DLC1: variants seen among roughly 807,000 people sequenced by gnomAD.
DLC1 encodes the protein rho GTPase-activating protein 7.
A neutral mutation model predicts 140.3 loss-of-function variants in DLC1; 54 were observed. The observed-to-expected ratio is 0.38, with a 90% confidence interval of 0.31 to 0.48. DLC1 has a LOEUF of 0.48. Among genes scored for constraint, DLC1 ranks in the 20% least tolerant of loss-of-function variants. The probability of loss-of-function intolerance (pLI) is 0.96; values close to 1 mark genes in which losing one functional copy is unlikely to be tolerated. For missense variants in DLC1, 2,536 were observed against 1,907.0 expected, an observed-to-expected ratio of 1.33 and a Z score of -6.14; for synonymous variants, 986 against 728.1, an observed-to-expected ratio of 1.35 and a Z score of -5.70.
intron 2 of DLC1, among the ~76,000 whole-genome samples, chr8:13,409,757 T>G (rs992982179): frequency 2.6e-5 from 4 of 152,180 alleles, no homozygotes; most frequent in African/African-American, 7.2e-5. Context: ...ATTTGTCTCT[T>G]TATGTTTAAT....
chr8:13,379,343 A>T (rs1836146549), intron 4 of DLC1, among the ~76,000 whole-genome samples: 1 of 152,140 alleles, frequency 6.6e-6, no homozygotes, highest in Non-Finnish European at 1.5e-5. Context: ...GTTCCAATGA[A>T]TCCATTGTAA....
chr8:13,278,213 G>T (rs914622058), intron 5 of DLC1, among the ~76,000 whole-genome samples: 6 of 152,218 alleles, frequency 3.9e-5, no homozygotes, highest in Non-Finnish European at 8.8e-5. Context: ...CTCCGTGCCT[G>T]CACGGGCCAA....
rs1035799800 is a variant in DLC1, at chr8:13,542,697, C to T, written c.-125-42501G>A. On this transcript the variant is annotated intron_variant, in intron 1 of 1. Transcript: ENST00000631382. ...TGTTTTATAGTTTTCAGTTTGTAGGCCTTACATAATTTTTGTTAAATTTAT... is the reference window on the plus strand; with the variant it reads ...TGTTTTATAGTTTTCAGTTTGTAGGTCTTACATAATTTTTGTTAAATTTAT... Among the ~76,000 whole-genome samples, 6 of 151,966 alleles carry T rather than the reference C, an allele frequency of 3.9e-5. 1 individual carries two copies. Among genetic ancestry groups the T allele is most frequent in the South Asian group, 2.1e-4 (1 of 4,820 alleles).
At chr8:13,277,525 C>G (rs1311403861) in intron 5 of DLC1, among the ~76,000 whole-genome samples, 2 of 152,136 alleles carry the variant, frequency 1.3e-5, no homozygotes, top group Non-Finnish European at 2.9e-5. Context: ...ACATCAAAAA[C>G]TCATCCCCCA....
At chr8:13,164,503 T>G (rs1975441) in intron 5 of DLC1, among the ~76,000 whole-genome samples, 99,547 of 151,900 alleles carry the variant, frequency 0.66, 33,672 homozygotes, top group East Asian at 0.85. Flanking sequence ...ATCTTCCCCT[T>G]GTTTTCTCTC....
At chr8:13,129,692 C>G (rs1821918596) in intron 5 of DLC1, among the ~76,000 whole-genome samples, 1 of 152,202 alleles carries the variant, frequency 6.6e-6, no homozygotes, top group Non-Finnish European at 1.5e-5. Flanking sequence ...TTTATAATCT[C>G]AAGAACAGGC....
chr8:13,091,247 G>A, intron 14 of DLC1, 71 bp downstream of exon 14: 2 of 1,478,314 alleles, frequency 1.4e-6, no homozygotes, highest in Non-Finnish European at 1.9e-6. Context: ...ACATGAACAA[G>A]GGTCAAGCCT....
chr8:13,475,521 A>G (rs551718734), intron 2 of DLC1, among the ~76,000 whole-genome samples: 1 of 152,358 alleles, frequency 6.6e-6, no homozygotes, highest in East Asian at 1.9e-4. Flanking sequence ...TGAATTAAAC[A>G]AAGAAAGTGA....
At chr8:13,492,474 T>C (rs1585199035) in intron 2 of DLC1, among the ~76,000 whole-genome samples, 1 of 5,422 alleles carries the variant, frequency 1.8e-4, no homozygotes, top group South Asian at 8.6e-3. Context: ...TAGCCTGTCC[T>C]TTTTTTTCTA....
At chr8:13,395,004 TTCTATCTATCTA>T (rs57872249) in intron 3 of DLC1, among the ~76,000 whole-genome samples, 8 of 100,770 alleles carry the variant, frequency 7.9e-5, no homozygotes, top group African/African-American at 3.4e-4. Context: ...CTACTACATA[TTCTATCTATCTA>T]TCTATCTATC....
At chr8:13,318,102 A>T (rs1487812539) in intron 4 of DLC1, among the ~76,000 whole-genome samples, 6 of 152,022 alleles carry the variant, frequency 3.9e-5, no homozygotes, top group African/African-American at 1.2e-4. Flanking sequence ...ATCATAGCTC[A>T]CTGTAACCTC....
intron 5 of DLC1, among the ~76,000 whole-genome samples, chr8:13,197,437 C>T (rs1157840604): frequency 6.6e-6 from 1 of 151,918 alleles, no homozygotes; most frequent in Non-Finnish European, 1.5e-5. Context: ...CAAACTCCAC[C>T]TCCCAGGTTC....
intron 5 of DLC1, among the ~76,000 whole-genome samples, chr8:13,227,301 A>G (rs1184715118): frequency 6.6e-6 from 1 of 152,158 alleles, no homozygotes; most frequent in African/African-American, 2.4e-5. Context: ...TCTCTTATTT[A>G]GGTGCCAGGT....
chr8:13,095,647 C>T (rs558015730), intron 10 of DLC1: 28 of 184,482 alleles, frequency 1.5e-4, no homozygotes, highest in South Asian at 9.6e-4. Flanking sequence ...TACAGAATGG[C>T]GGTATAGGAA....
At chr8:13,284,473 G>T (rs757704262) in intron 5 of DLC1, among the ~76,000 whole-genome samples, 2 of 152,122 alleles carry the variant, frequency 1.3e-5, no homozygotes, top group Non-Finnish European at 1.5e-5. Context: ...GTTGCAGTGC[G>T]CTGAGATCGC....
chr8:13,440,178 C>T lies in DLC1; in HGVS notation c.1024-38559G>A, dbSNP rs78999885. 7.9e-3 allele frequency among the ~76,000 whole-genome samples: 1,203 copies of T among 152,238 alleles called. 47 individuals carry two copies. Among genetic ancestry groups the T allele is most frequent in the Admixed American group, 0.068 (1,039 of 15,302 alleles). On this transcript the variant is annotated intron_variant, in intron 2 of 17. Coordinates refer to ENST00000276297, the MANE Select transcript of DLC1 (RefSeq NM_182643.3). Reference sequence around the variant, plus strand: ...TAGAGTACGCATAGGTTTCTCATTTCGATCATAGAAGCCTGTTTTATTTGC... The same window carrying T: ...TAGAGTACGCATAGGTTTCTCATTTTGATCATAGAAGCCTGTTTTATTTGC...
chr8:13,266,995 C>T (rs1372451696), intron 5 of DLC1, among the ~76,000 whole-genome samples: 1 of 152,146 alleles, frequency 6.6e-6, no homozygotes, highest in East Asian at 1.9e-4. Context: ...ATTGGTTTAC[C>T]AACTCATTTG....
intron 5 of DLC1, among the ~76,000 whole-genome samples, chr8:13,148,214 C>T (rs1823572027): frequency 6.6e-6 from 1 of 151,876 alleles, no homozygotes; most frequent in Non-Finnish European, 1.5e-5. Flanking sequence ...GTTTGTTGTA[C>T]AGATTATTTC....
chr8:13,288,387 C>T (rs572004991), intron 5 of DLC1, among the ~76,000 whole-genome samples: 1 of 152,148 alleles, frequency 6.6e-6, no homozygotes. Flanking sequence ...TGGACCCATA[C>T]CATTTTTCCA....
Sources: allele counts gnomAD v4.1 joint callset (sites outside exome capture counted in the v4.1 genomes callset), GRCh38; gene constraint gnomAD v4.1.1; transcripts MANE v1.5; gene names NCBI Gene and HGNC (gene_info 2026-07-23, HGNC 2026-07-21).